The following BDNF variants were observed in gnomAD, a reference collection of about 807,000 sequenced individuals.
The protein encoded by BDNF is neurotrophic factor BDNF precursor form.
A neutral mutation model predicts 19.5 loss-of-function variants in BDNF; 1 was observed. That is an observed-to-expected ratio of 0.05 (90% confidence interval 0.02 to 0.24). The LOEUF (loss-of-function observed/expected upper bound fraction) is 0.24. Ranked by LOEUF, BDNF falls within the 10% of genes least tolerant of loss-of-function variation. BDNF has a pLI of 1.00. For missense variants in BDNF, 195 were observed against 317.6 expected (o/e 0.61, Z 2.93); for synonymous variants, 100 against 121.6 (o/e 0.82, Z 1.17).
intron 1 of BDNF, chr11:27,719,477 C>G: frequency 4.1e-6 from 4 of 985,520 alleles, no homozygotes; most frequent in Non-Finnish European, 4.8e-6. Flanking sequence ...GGCGGAGGCT[C>G]CCCTTTCCCT....
chr11:27,700,520 GCCCCCCCCCC>G (rs67192910), upstream of BDNF: 5 of 735,112 alleles, frequency 6.8e-6, no homozygotes, highest in Non-Finnish European at 7.8e-6. Context: ...AAACGGCGCC[GCCCCCCCCCC>G]CCCGCCCCCC....
intron 1 of BDNF, chr11:27,674,733 C>T (rs1590322715): frequency 1.0e-6 from 1 of 984,026 alleles, no homozygotes; most frequent in South Asian, 4.7e-5. Flanking sequence ...TTTCACTAAA[C>T]ACTGATTCCT....
intron 1 of BDNF, among the ~76,000 whole-genome samples, chr11:27,687,194 G>A (rs1048464366): frequency 1.3e-5 from 2 of 151,634 alleles, no homozygotes; most frequent in Non-Finnish European, 2.9e-5. Context: ...CTGCTTTATC[G>A]ATTCAGTTAT....
intron 1 of BDNF, among the ~76,000 whole-genome samples, chr11:27,714,340 A>G (rs986253830): frequency 3.3e-5 from 5 of 152,124 alleles, no homozygotes; most frequent in Admixed American, 1.3e-4. Flanking sequence ...ATCTATTATC[A>G]TGTGTATATA....
chr11:27,664,550 G>A (rs576602509), intron 1 of BDNF, among the ~76,000 whole-genome samples: 22 of 152,190 alleles, frequency 1.4e-4, no homozygotes, highest in African/African-American at 2.2e-4. Flanking sequence ...AGGCCGAGGC[G>A]GGAGGATCAC....
At chr11:27,688,207 G>T (rs1590389766) in intron 1 of BDNF, among the ~76,000 whole-genome samples, 1 of 152,310 alleles carries the variant, frequency 6.6e-6, no homozygotes, top group East Asian at 1.9e-4. Context: ...TGTTTACATT[G>T]TGAGAGGAAA....
chr11:27,721,011 A>G (rs1039996935), intron 1 of BDNF, among the ~76,000 whole-genome samples: 1 of 120,930 alleles, frequency 8.3e-6, no homozygotes, highest in African/African-American at 3.2e-5. Context: ...CCACCCCCTA[A>G]CCCCAACCTC....
chr11:27,683,784 T>C (rs1857144286), intron 1 of BDNF, among the ~76,000 whole-genome samples: 1 of 152,232 alleles, frequency 6.6e-6, no homozygotes, highest in African/African-American at 2.4e-5. Flanking sequence ...TATGTACCAG[T>C]ACCATGATGT....
chr11:27,673,205 T>C (rs899943815), intron 1 of BDNF, among the ~76,000 whole-genome samples: 33 of 151,732 alleles, frequency 2.2e-4, no homozygotes, highest in African/African-American at 7.0e-4. Flanking sequence ...AGGTGGGGCT[T>C]TGTCTTTCAA....
chr11:27,674,516 T>G, intron 1 of BDNF: 1 of 985,292 alleles, frequency 1.0e-6, no homozygotes, highest in Non-Finnish European at 1.2e-6. Flanking sequence ...ATGAGCCATG[T>G]GGACCCTATT....
At position 27,657,448 on chromosome 11, in the gene BDNF, G is replaced by A; in HGVS notation, c.*373C>T. 1 of 1,016,324 alleles carries A rather than the reference G, an allele frequency of 9.8e-7. No homozygotes were observed. Among genetic ancestry groups the A allele is most frequent in the East Asian group, 9.8e-5 (1 of 10,236 alleles). 63.0% of individuals were successfully genotyped at this position (1,016,324 alleles called of 1,614,324 possible). ...ACGGAATGTTTTGGTTCAAATTTTT[G>A]TTGTGTGTGTGTGTGTTTTTTTTCT... is the stretch of plus-strand genomic sequence containing the variant. On this transcript the variant is annotated 3_prime_UTR_variant, in exon 2 of 2. Coordinates refer to ENST00000356660, the MANE Select transcript of BDNF (RefSeq NM_001709.5). The surrounding 1 kb of genome is among the most constrained non-coding windows in gnomAD (Gnocchi z 5.0).
intron 1 of BDNF, among the ~76,000 whole-genome samples, chr11:27,715,300 C>G (rs551461800): frequency 3.9e-5 from 6 of 152,292 alleles, no homozygotes; most frequent in African/African-American, 1.4e-4. Context: ...ACAAAACAAG[C>G]CAGCATGAAT....
At chr11:27,660,295 T>C in intron 1 of BDNF, 1 of 1,164,936 alleles carries the variant, frequency 8.6e-7, no homozygotes, top group Non-Finnish European at 1.1e-6. Flanking sequence ...AAAAATTTCT[T>C]TTAGATTTAC....
At chr11:27,701,546 C>G, upstream of BDNF, 1 of 988,156 alleles carries the variant, frequency 1.0e-6, no homozygotes, top group South Asian at 4.7e-5. Context: ...TCCATTTGAT[C>G]TCGGCAGAGG....
At chr11:27,676,449 A>G (rs1856121582) in intron 1 of BDNF, among the ~76,000 whole-genome samples, 1 of 152,182 alleles carries the variant, frequency 6.6e-6, no homozygotes, top group African/African-American at 2.4e-5. Flanking sequence ...GAGAAAAATA[A>G]GACTAAGAAT....
In BDNF at chr11:27,697,162, C is replaced by CAGAGAGAG. The variant is rs1271043342; in HGVS notation, c.-22+3001_-22+3002insCTCTCTCT. On this transcript the variant is annotated intron_variant, in intron 1 of 1. Transcript: ENST00000356660. ...GTGCACGCACACACACACACACACA[C>CAGAGAGAG]ACAGAGAGAGAGAGAGAGAGAGAGA... Among the ~76,000 whole-genome samples the CAGAGAGAG allele has an allele frequency of 6.9e-3, 867 of 125,146 alleles. 8 individuals are homozygous for CAGAGAGAG. Among genetic ancestry groups the CAGAGAGAG allele is most frequent in the East Asian group, 0.038 (164 of 4,260 alleles). 82.1% of individuals were successfully genotyped at this position (125,146 alleles called of 152,430 possible). A position where few individuals can be genotyped will look rare whatever the true frequency, so the allele number is the denominator to read the frequency against.
At chr11:27,698,322 G>A (rs753278043) in intron 1 of BDNF, 4 of 149,284 alleles carry the variant, frequency 2.7e-5, no homozygotes, top group Non-Finnish European at 5.9e-5. Flanking sequence ...TTTTTAAAAG[G>A]TGCTGTTCCC....
rs756821763 is a variant in BDNF, at chr11:27,656,643, T to A, written c.*1178A>T. 9.9e-5 allele frequency: 98 copies of A among 985,680 alleles called. No individual in the cohort carries two copies. The highest frequency in any genetic ancestry group is 1.2e-4 in the Non-Finnish European group (96 of 829,942). The allele number at this position is 985,680 out of a possible 1,614,324, so 61.1% of individuals were successfully genotyped here. On this transcript the variant is annotated 3_prime_UTR_variant, in exon 2 of 2. Coordinates refer to ENST00000356660, the MANE Select transcript of BDNF (RefSeq NM_001709.5). ...ATGTCACTGGCAATGTGGATTCCTG[T>A]TCTGATCTAGGTGTTTCTGGGTTGA...
At chr11:27,701,529 G>A, upstream of BDNF, 1 of 988,040 alleles carries the variant, frequency 1.0e-6, no homozygotes, top group Non-Finnish European at 1.2e-6. Flanking sequence ...CCCCATCAGC[G>A]AGAAGCTCCA....
Sources: allele counts gnomAD v4.1 joint callset (sites outside exome capture counted in the v4.1 genomes callset), GRCh38; gene constraint gnomAD v4.1.1; non-coding constraint Gnocchi (gnomAD v3.1); transcripts MANE v1.5; gene names NCBI Gene and HGNC (gene_info 2026-07-23, HGNC 2026-07-21).